SPTLC1: variants seen among roughly 807,000 people sequenced by gnomAD.
SPTLC1 encodes serine palmitoyltransferase long chain base subunit 1.
Under a neutral mutation model 68.9 loss-of-function variants are expected in SPTLC1, and 55 were observed. The observed-to-expected ratio is 0.80, with a 90% confidence interval of 0.64 to 1.00. The LOEUF (loss-of-function observed/expected upper bound fraction) is 1.00. Ranked by LOEUF, SPTLC1 falls within the 50% of genes least tolerant of loss-of-function variation. The pLI is 0.00. For synonymous variants in SPTLC1, 197 were observed against 201.6 expected (o/e 0.98, Z 0.19); for missense variants, 449 against 573.1 (o/e 0.78, Z 2.21).
At chr9:92,079,618 A>C in intron 5 of SPTLC1, 1 of 1,484,206 alleles carries the variant, frequency 6.7e-7, no homozygotes, top group Non-Finnish European at 9.4e-7. Context: ...CACCCCAGGC[A>C]ATCTGCTCTC....
At chr9:92,043,386 T>C (rs1182426582) in intron 12 of SPTLC1, among the ~76,000 whole-genome samples, 1 of 152,208 alleles carries the variant, frequency 6.6e-6, no homozygotes, top group Non-Finnish European at 1.5e-5. Flanking sequence ...AACATTTATC[T>C]CTAGCTCAGT....
At chr9:92,096,383 G>GTA (rs897517997) in intron 3 of SPTLC1, among the ~76,000 whole-genome samples, 23 of 151,746 alleles carry the variant, frequency 1.5e-4, no homozygotes, top group Middle Eastern at 6.8e-3. Flanking sequence ...GTGTGTGTGT[G>GTA]TATATATATA....
At chr9:92,081,965 G>A (rs534583623) in intron 3 of SPTLC1, among the ~76,000 whole-genome samples, 5 of 152,314 alleles carry the variant, frequency 3.3e-5, no homozygotes, top group Admixed American at 2.6e-4. Context: ...ATTCATGAAA[G>A]CGAACTAACT....
At chr9:92,079,082 AT>A in intron 5 of SPTLC1, 2 of 877,564 alleles carry the variant, frequency 2.3e-6, no homozygotes, top group Non-Finnish European at 2.7e-6. Context: ...AATTTTATTT[AT>A]TTATTTATTT....
At chr9:92,087,138 A>G (rs1397589084) in intron 3 of SPTLC1, among the ~76,000 whole-genome samples, 2 of 151,910 alleles carry the variant, frequency 1.3e-5, no homozygotes, top group African/African-American at 4.8e-5. Context: ...CTAGTTATAC[A>G]TTCGTCTAAA....
chr9:92,062,489 T>C (rs889392091), intron 6 of SPTLC1, among the ~76,000 whole-genome samples: 1 of 151,846 alleles, frequency 6.6e-6, no homozygotes, highest in African/African-American at 2.4e-5. Context: ...AAAAACACCA[T>C]CAACCAAAAA....
chr9:92,092,610 CT>C (rs1835404020), intron 3 of SPTLC1, among the ~76,000 whole-genome samples: 1 of 152,092 alleles, frequency 6.6e-6, no homozygotes, highest in African/African-American at 2.4e-5. Context: ...TGGCACACAC[CT>C]GTAGTTCCAG....
intron 12 of SPTLC1, among the ~76,000 whole-genome samples, chr9:92,040,925 AAACCAAACGG>A (rs1205400514): frequency 3.3e-5 from 5 of 152,206 alleles, no homozygotes; most frequent in African/African-American, 1.2e-4. Flanking sequence ...AGTTTAATTA[AAACCAAACGG>A]ACACAGTTAT....
intron 3 of SPTLC1, among the ~76,000 whole-genome samples, chr9:92,098,982 T>C (rs921296316): frequency 1.1e-4 from 16 of 152,188 alleles, no homozygotes; most frequent in African/African-American, 2.9e-4. Context: ...TAAAGACCAC[T>C]GTAGAACCAA....
At chr9:92,056,504 C>T (rs189293672) in intron 7 of SPTLC1, among the ~76,000 whole-genome samples, 186 of 152,200 alleles carry the variant, frequency 1.2e-3, no homozygotes, top group Middle Eastern at 3.4e-3. Flanking sequence ...GGGATTACAG[C>T]TTTGAGCCAC....
chr9:92,075,353 C>T (rs780790548), intron 5 of SPTLC1, among the ~76,000 whole-genome samples: 2 of 152,118 alleles, frequency 1.3e-5, no homozygotes, highest in Admixed American at 6.5e-5. Flanking sequence ...GCCATCCTAA[C>T]CAAACCACTC....
In SPTLC1 at chr9:92,032,195, C is replaced by A; in HGVS notation, c.*270G>T. On this transcript the variant is annotated 3_prime_UTR_variant, in exon 15 of 15. Transcript: ENST00000262554. ...AGTATAAGAAAACATTTAAATAGTA[C>A]TAAATGCACAATTTAAACATCAGTT... The A allele has an allele frequency of 8.1e-7, 1 of 1,233,602 alleles. No homozygotes were observed. Among genetic ancestry groups the A allele is most frequent in the African/African-American group, 1.5e-5 (1 of 65,774 alleles). 76.4% of individuals were successfully genotyped at this position (1,233,602 alleles called of 1,614,324 possible). A position where few individuals can be genotyped will look rare whatever the true frequency, so the allele number is the denominator to read the frequency against.
At chr9:92,095,033 C>A (rs1835482222) in intron 3 of SPTLC1, among the ~76,000 whole-genome samples, 1 of 152,078 alleles carries the variant, frequency 6.6e-6, no homozygotes, top group African/African-American at 2.4e-5. Context: ...ATCAATGTAA[C>A]AGAGTACTAA....
chr9:92,096,362 T>G (rs938544479), intron 3 of SPTLC1, among the ~76,000 whole-genome samples: 3 of 152,158 alleles, frequency 2.0e-5, no homozygotes, highest in Non-Finnish European at 4.4e-5. Context: ...TTGTGGTCAT[T>G]ATTTCACAAT....
Position 92,055,482 on chromosome 9 carries a change from C to T in SPTLC1, c.703G>A (p.Ala235Thr), listed in dbSNP as rs761160472. The T allele has an allele frequency of 6.2e-7, 1 of 1,613,566 alleles. No individual in the cohort carries two copies. The highest frequency in any genetic ancestry group is 8.5e-7 in the Non-Finnish European group (1 of 1,179,966). The change falls in exon 8 of 15, where the codon GCT becomes ACT. Residue 235 changes from alanine to threonine, a missense_variant. By Grantham distance (58) the Ala-to-Thr change is moderately conservative (BLOSUM62 0). This residue lies in a region of SPTLC1 where 391 missense variants were observed against 472.1 expected (regional missense o/e 0.83). Coordinates refer to ENST00000262554, the MANE Select transcript of SPTLC1 (RefSeq NM_006415.4). Reference protein sequence around the residue: ...EIEDQKNPRKARVTRRFIVVE... With the variant: ...EIEDQKNPRKTRVTRRFIVVE... ...ACAATGAAACGCCGAGTTACACGAG[C>T]CTTGCGAGGATTCTTTAAAAGAGAA...
At chr9:92,059,142 C>T (rs1413859563) in intron 7 of SPTLC1, 37 bp downstream of exon 7, 1 of 1,608,316 alleles carries the variant, frequency 6.2e-7, no homozygotes, top group Non-Finnish European at 8.5e-7. Context: ...TTAGAAAGTA[C>T]AAAAGAACTG....
intron 8 of SPTLC1, among the ~76,000 whole-genome samples, chr9:92,052,495 A>G (rs907155188): frequency 2.0e-5 from 3 of 152,078 alleles, no homozygotes; most frequent in Non-Finnish European, 4.4e-5. Flanking sequence ...ATAGCAATAA[A>G]TCTTGATAAT....
chr9:92,098,820 T>C (rs1835638164), intron 3 of SPTLC1, among the ~76,000 whole-genome samples: 1 of 152,144 alleles, frequency 6.6e-6, no homozygotes, highest in African/African-American at 2.4e-5. Flanking sequence ...AAGCTAATGG[T>C]GATGGGACAC....
intron 5 of SPTLC1, among the ~76,000 whole-genome samples, chr9:92,078,718 G>A (rs1452471577): frequency 6.6e-6 from 1 of 152,198 alleles, no homozygotes; most frequent in Non-Finnish European, 1.5e-5. Context: ...GCCTCCCAAA[G>A]TGTTAGGATT....
Sources: gnomAD v4.1 joint callset for allele counts (sites outside exome capture counted in the v4.1 genomes callset) on GRCh38, gnomAD v4.1.1 for gene constraint, gnomAD v4.1.1 regional missense constraint, MANE v1.5 for transcripts, NCBI Gene and HGNC (gene_info 2026-07-23, HGNC 2026-07-21) for gene names.